Variants in TRIO observed in about 807,000 individuals in gnomAD.
The protein encoded by TRIO is trio Rho guanine nucleotide exchange factor.
In TRIO, 58 loss-of-function variants were observed where a neutral mutation model predicts 351.9. The observed-to-expected ratio is 0.16, with a 90% CI of 0.13 to 0.21. The LOEUF (loss-of-function observed/expected upper bound fraction) is 0.21, where lower values mean the gene tolerates loss of function less well. Among genes scored for constraint, TRIO ranks in the 10% least tolerant of loss-of-function variants. TRIO has a pLI of 1.00. For synonymous variants in TRIO, 1,758 were observed against 1,595.7 expected, an observed-to-expected ratio of 1.10 and a Z score of -2.42; for missense variants, 3,201 against 4,027.8, an observed-to-expected ratio of 0.79 and a Z score of 5.56.
At chr5:14,333,396 C>T (rs1741092114) in intron 10 of TRIO, among the ~76,000 whole-genome samples, 1 of 152,142 alleles carries the variant, frequency 6.6e-6, no homozygotes, top group African/African-American at 2.4e-5. Context: ...AAAAGACGAT[C>T]CCTGGGAATT....
chr5:14,320,919 G>C (rs1176889825), intron 9 of TRIO, among the ~76,000 whole-genome samples: 2 of 152,228 alleles, frequency 1.3e-5, no homozygotes, highest in African/African-American at 4.8e-5. Flanking sequence ...GCTATCAGGA[G>C]TGAGGGGTGG....
chr5:14,336,213 G>C (rs1741400190), intron 10 of TRIO, among the ~76,000 whole-genome samples: 1 of 152,138 alleles, frequency 6.6e-6, no homozygotes, highest in African/African-American at 2.4e-5. Context: ...GTTGCTGGGG[G>C]CCGTCTCCTG....
intron 6 of TRIO, 31 bp downstream of exon 6, chr5:14,293,165 A>G: frequency 1.2e-6 from 2 of 1,613,682 alleles, no homozygotes; most frequent in South Asian, 1.1e-5. Context: ...GGACCCTGGC[A>G]TGTGACAGTG....
At position 14,504,472 on chromosome 5, in the gene TRIO, T is replaced by C. The variant is rs1365755018; in HGVS notation, c.8491T>C (p.Leu2831=). 3 of 1,614,046 alleles carry C rather than the reference T, an allele frequency of 1.9e-6. No individual in the cohort carries two copies. Among genetic ancestry groups the C allele is most frequent in the Non-Finnish European group, 8.5e-7 (1 of 1,180,006 alleles). The change falls in exon 55 of 57, where the codon TTG becomes CTG. Residue 2831 remains leucine, a synonymous_variant. Coordinates refer to ENST00000344204, the MANE Select transcript of TRIO (RefSeq NM_007118.4). Reference sequence around the variant, plus strand: ...GGCCACTAAGTTTGTGAACAAGAAGTTGATGAAGCGCGACCAGGTCACCCA... The same window carrying C: ...GGCCACTAAGTTTGTGAACAAGAAGCTGATGAAGCGCGACCAGGTCACCCA... ...AVATKFVNKK[L]MKRDQVTHEL... is the part of the protein sequence containing the mutation.
At chr5:14,410,008 A>G (rs1268416518) in intron 33 of TRIO, among the ~76,000 whole-genome samples, 1 of 152,046 alleles carries the variant, frequency 6.6e-6, no homozygotes, top group African/African-American at 2.4e-5. Flanking sequence ...GACACTCCAG[A>G]CTCAGTTTCT....
chr5:14,357,772 C>T (rs947452085), intron 11 of TRIO, among the ~76,000 whole-genome samples: 2 of 152,150 alleles, frequency 1.3e-5, no homozygotes, highest in African/African-American at 4.8e-5. Context: ...ATACAAGTGT[C>T]CACCTGCTAA....
intron 1 of TRIO, among the ~76,000 whole-genome samples, chr5:14,197,383 A>C (rs529227286): frequency 6.6e-5 from 10 of 152,310 alleles, no homozygotes; most frequent in Non-Finnish European, 1.3e-4. Flanking sequence ...AGGAAAAATG[A>C]GAATGCTCTT....
intron 11 of TRIO, among the ~76,000 whole-genome samples, chr5:14,349,846 T>C (rs1002580721): frequency 2.6e-5 from 4 of 152,170 alleles, no homozygotes; most frequent in African/African-American, 7.2e-5. Context: ...TAGTACCCAA[T>C]AGGTATTTTT....
At chr5:14,191,989 GA>G (rs1790486316) in intron 1 of TRIO, among the ~76,000 whole-genome samples, 2 of 152,048 alleles carry the variant, frequency 1.3e-5, no homozygotes, top group African/African-American at 4.8e-5. Flanking sequence ...TCAAAGATGT[GA>G]AGAAAAATAA....
intron 16 of TRIO, among the ~76,000 whole-genome samples, chr5:14,368,201 T>A (rs2152343533): frequency 6.6e-6 from 1 of 152,378 alleles, no homozygotes; most frequent in South Asian, 2.1e-4. Context: ...CACAGTTGTT[T>A]CATTCTTAGC....
chr5:14,408,746 G>A (rs930323442), intron 33 of TRIO, among the ~76,000 whole-genome samples: 9 of 152,002 alleles, frequency 5.9e-5, no homozygotes, highest in South Asian at 2.1e-4. Context: ...AAAGTGGCCC[G>A]CATTCAGGGC....
chr5:14,431,441 G>A (rs1010222001), intron 34 of TRIO, among the ~76,000 whole-genome samples: 3 of 152,274 alleles, frequency 2.0e-5, no homozygotes, highest in Admixed American at 6.5e-5. Flanking sequence ...AAACAGGCTC[G>A]TTTGCCTTGG....
chr5:14,249,606 G>A (rs928500415), intron 1 of TRIO, among the ~76,000 whole-genome samples: 1 of 152,210 alleles, frequency 6.6e-6, no homozygotes, highest in Non-Finnish European at 1.5e-5. Context: ...ATGGAGAGCA[G>A]CTATAAAGGG....
chr5:14,412,886 T>G (rs1749321088), intron 33 of TRIO, among the ~76,000 whole-genome samples: 1 of 152,256 alleles, frequency 6.6e-6, no homozygotes, highest in Admixed American at 6.5e-5. Context: ...CTCTGGCCTC[T>G]GCCTCAGCAG....
intron 1 of TRIO, among the ~76,000 whole-genome samples, chr5:14,207,523 TAC>T (rs113435385): frequency 0.15 from 8,000 of 53,324 alleles, 1,093 homozygotes; most frequent in Admixed American, 0.3. Context: ...ACTGTCTCTC[TAC>T]ACACACACAC....
chr5:14,293,032 C>G lies in TRIO; in HGVS notation c.1074C>G (p.His358Gln). 1 of 1,614,154 alleles carries G rather than the reference C, an allele frequency of 6.2e-7. No homozygotes were observed. Among genetic ancestry groups the G allele is most frequent in the African/African-American group, 1.3e-5 (1 of 75,022 alleles). Residue 358 changes from histidine to glutamine, a missense_variant, in exon 6 of 57, where the codon CAC (histidine) becomes CAG (glutamine). His to Gln is a conservative substitution (Grantham distance 24). Around this residue, in one of 19 missense-constraint regions of TRIO, gnomAD observed 349 missense variants for 449.3 expected, o/e 0.78. Coordinates refer to ENST00000344204, the MANE Select transcript of TRIO (RefSeq NM_007118.4). The part of the protein sequence containing the change: ...DAEKMFDWIT[H>Q]NKGLFLNSYT... ...GGTAGATGTTTGACTGGATCACACA[C>G]AACAAAGGCCTGTTTCTAAACAGCT...
At position 14,276,527 on chromosome 5, in the gene TRIO, C is replaced by T. The variant is rs1735535347; in HGVS notation, c.233-3795C>T. Among the ~76,000 whole-genome samples, 3 of 152,350 alleles carry T rather than the reference C, an allele frequency of 2.0e-5. No homozygotes were observed. In the Middle Eastern group the frequency reaches 0.01, roughly 518 times the overall value. ...TTAATAGACGTTAGCCATCATTTCTCTTTTTCACAAACTGTGTCTTTCAGA... is the reference window on the plus strand; with the variant it reads ...TTAATAGACGTTAGCCATCATTTCTTTTTTTCACAAACTGTGTCTTTCAGA... On this transcript the variant is annotated intron_variant, in intron 2 of 56. Coordinates refer to ENST00000344204, the MANE Select transcript of TRIO (RefSeq NM_007118.4).
chr5:14,207,389 TACACACACACACACAC>T (rs70964544), intron 1 of TRIO, among the ~76,000 whole-genome samples: 1 of 11,724 alleles, frequency 8.5e-5, no homozygotes. Flanking sequence ...CAAGACTGTC[TACACACACACACACAC>T]ACACACACAC....
intron 38 of TRIO, among the ~76,000 whole-genome samples, chr5:14,471,988 T>C (rs2126555166): frequency 6.6e-6 from 1 of 151,988 alleles, no homozygotes; most frequent in South Asian, 2.1e-4. Flanking sequence ...TCCCAGCACC[T>C]CCGATGGTGT....
Sources: allele counts gnomAD v4.1 joint callset (sites outside exome capture counted in the v4.1 genomes callset), GRCh38; gene constraint gnomAD v4.1.1; regional missense constraint gnomAD v4.1.1; transcripts MANE v1.5; gene names NCBI Gene and HGNC (gene_info 2026-07-23, HGNC 2026-07-21).